Variants in UNC13C observed in about 807,000 individuals in gnomAD.
UNC13C encodes unc-13 homolog C.
Under a neutral mutation model 245.4 loss-of-function variants are expected in UNC13C, and 174 were observed. That is an observed-to-expected ratio of 0.71 (90% CI 0.63 to 0.80). UNC13C has a LOEUF of 0.80. Ranked by LOEUF, UNC13C falls within the 30% of genes least tolerant of loss-of-function variation. The pLI is 0.00. For missense variants in UNC13C, 2,829 were observed against 2,602.9 expected, an observed-to-expected ratio of 1.09 and a Z score of -1.89; for synonymous variants, 992 against 895.1, an observed-to-expected ratio of 1.11 and a Z score of -1.93.
chr15:53,850,293 T>A, the UNC13C span, among the ~76,000 whole-genome samples: 3 of 152,106 alleles, frequency 2.0e-5, no homozygotes, highest in Non-Finnish European at 4.4e-5. Context: ...CATGCACCTA[T>A]GGTCCCAGTT....
intron 17 of UNC13C, among the ~76,000 whole-genome samples, chr15:54,340,759 G>T (rs1325420888): frequency 6.6e-6 from 1 of 152,036 alleles, no homozygotes; most frequent in Non-Finnish European, 1.5e-5. Flanking sequence ...GTCTTGCTTT[G>T]GCTGTGTGGG....
chr15:54,065,342 TC>T (rs1669885972), intron 2 of UNC13C, among the ~76,000 whole-genome samples: 1 of 152,218 alleles, frequency 6.6e-6, no homozygotes, highest in South Asian at 2.1e-4. Context: ...ATATGCTTTT[TC>T]TGCATTATAC....
chr15:54,592,458 C>A (rs1898842772), intron 30 of UNC13C, among the ~76,000 whole-genome samples: 1 of 152,084 alleles, frequency 6.6e-6, no homozygotes, highest in Non-Finnish European at 1.5e-5. Context: ...TAGTAATTGA[C>A]TTATAAAATT....
chr15:54,621,548 G>T (rs1900797389), intron 30 of UNC13C, among the ~76,000 whole-genome samples: 1 of 152,088 alleles, frequency 6.6e-6, no homozygotes, highest in Admixed American at 6.6e-5. Context: ...TAGGTGAAAA[G>T]ATAAAGGCCT....
the UNC13C span, chr15:53,948,148 A>G: frequency 2.0e-5 from 3 of 152,212 alleles, no homozygotes; most frequent in Non-Finnish European, 4.4e-5. Context: ...AAAGCTACTC[A>G]TGTAAGAACT....
chr15:54,055,140 T>C (rs1171403552), intron 2 of UNC13C, among the ~76,000 whole-genome samples: 1 of 152,214 alleles, frequency 6.6e-6, no homozygotes, highest in African/African-American at 2.4e-5. Flanking sequence ...ATAAAACTTA[T>C]TAACATGCAA....
At chr15:54,263,594 G>A (rs1313176045) in intron 8 of UNC13C, among the ~76,000 whole-genome samples, 1 of 152,156 alleles carries the variant, frequency 6.6e-6, no homozygotes, top group Non-Finnish European at 1.5e-5. Flanking sequence ...TAGAGAAAGA[G>A]AGTTCGAGTC....
At chr15:53,945,620 A>G in the UNC13C span, among the ~76,000 whole-genome samples, 1 of 152,112 alleles carries the variant, frequency 6.6e-6, no homozygotes, top group African/African-American at 2.4e-5. Flanking sequence ...TTTTTGTACC[A>G]ATACCATGCT....
At chr15:53,917,857 TTTTC>T in the UNC13C span, among the ~76,000 whole-genome samples, 17 of 152,336 alleles carry the variant, frequency 1.1e-4, no homozygotes, top group South Asian at 2.1e-4. Context: ...TTTATTGTCA[TTTTC>T]TTTTTTTGCC....
intron 13 of UNC13C, among the ~76,000 whole-genome samples, chr15:54,312,286 G>C (rs984978596): frequency 6.6e-5 from 10 of 151,482 alleles, no homozygotes; most frequent in African/African-American, 2.4e-4. Context: ...CAACTTTCAG[G>C]GTTTCTTTGA....
intron 1 of UNC13C, among the ~76,000 whole-genome samples, chr15:54,008,468 A>G (rs1895239318): frequency 6.6e-6 from 1 of 152,232 alleles, no homozygotes; most frequent in Admixed American, 6.5e-5. Context: ...CTATAACCGC[A>G]TAGTCTATTG....
intron 2 of UNC13C, among the ~76,000 whole-genome samples, chr15:54,103,243 A>G (rs548625464): frequency 9.8e-5 from 15 of 152,302 alleles, no homozygotes; most frequent in African/African-American, 2.6e-4. Flanking sequence ...ACATCTCGCC[A>G]TTCTTTTACA....
chr15:54,127,754 ATATT>A (rs3082224), intron 2 of UNC13C, among the ~76,000 whole-genome samples: 55,388 of 145,008 alleles, frequency 0.38, 10,760 homozygotes, highest in African/African-American at 0.42. Context: ...TATTTCATAT[ATATT>A]TATGTATAAT....
chr15:54,286,753 T>G (rs974731836), intron 10 of UNC13C, among the ~76,000 whole-genome samples: 5 of 152,186 alleles, frequency 3.3e-5, no homozygotes, highest in African/African-American at 1.2e-4. Context: ...AATAAGTGAT[T>G]GGCTCTGCAG....
intron 2 of UNC13C, among the ~76,000 whole-genome samples, chr15:54,060,876 C>A (rs1156748906): frequency 1.3e-5 from 2 of 151,940 alleles, no homozygotes; most frequent in East Asian, 3.9e-4. Flanking sequence ...GGACAAAAAA[C>A]CAAACACCGC....
the UNC13C span, among the ~76,000 whole-genome samples, chr15:53,845,912 C>A: frequency 6.6e-6 from 1 of 152,070 alleles, no homozygotes; most frequent in East Asian, 1.9e-4. Flanking sequence ...TGACTTACTT[C>A]TCTTTTTTTT....
chr15:54,397,996 A>C (rs1357001321), intron 18 of UNC13C, among the ~76,000 whole-genome samples: 2 of 151,322 alleles, frequency 1.3e-5, no homozygotes, highest in African/African-American at 4.8e-5. Flanking sequence ...ATGTTGACTA[A>C]AATTAGTGAA....
chr15:54,622,223 A>G (rs1211010600), intron 30 of UNC13C, 104 bp from the exon 31 acceptor site: 7 of 799,502 alleles, frequency 8.8e-6, no homozygotes, highest in African/African-American at 1.7e-5. Context: ...GGAAAGAACT[A>G]TTCATTTCCA....
the UNC13C span, among the ~76,000 whole-genome samples, chr15:53,885,176 A>G: frequency 6.6e-6 from 1 of 152,220 alleles, no homozygotes; most frequent in African/African-American, 2.4e-5. Flanking sequence ...CTTTGAACAA[A>G]CGGAAATTGG....
Sources: gnomAD v4.1 joint callset for allele counts (sites outside exome capture counted in the v4.1 genomes callset) on GRCh38, gnomAD v4.1.1 for gene constraint, MANE v1.5 for transcripts, NCBI Gene and HGNC (gene_info 2026-07-23, HGNC 2026-07-21) for gene names.